The following RBFOX1 variants were observed in gnomAD, a reference collection of about 807,000 sequenced individuals.
RBFOX1 encodes RNA binding fox-1 homolog 1, also known as RNA binding protein fox-1 homolog 1.
A neutral mutation model predicts 57.7 loss-of-function variants in RBFOX1; 8 were observed. That is an observed-to-expected ratio of 0.14 (90% CI 0.08 to 0.25). The LOEUF is 0.25. Ranked by LOEUF, RBFOX1 falls within the 10% of genes least tolerant of loss-of-function variation. The pLI, the probability that RBFOX1 is intolerant of heterozygous loss-of-function variation, is 1.00. For synonymous variants in RBFOX1, 326 were observed against 222.4 expected, an observed-to-expected ratio of 1.47 and a Z score of -4.15; for missense variants, 611 against 548.5, an observed-to-expected ratio of 1.11 and a Z score of -1.14.
intron 2 of RBFOX1, among the ~76,000 whole-genome samples, chr16:6,441,317 C>T (rs2094375823): frequency 6.6e-6 from 1 of 152,216 alleles, no homozygotes; most frequent in Non-Finnish European, 1.5e-5. Context: ...GAGCTCTCTC[C>T]TGTGTACATA....
chr16:5,892,036 C>G (rs2058056516), intron 4 of RBFOX1, among the ~76,000 whole-genome samples: 1 of 152,196 alleles, frequency 6.6e-6, no homozygotes, highest in Non-Finnish European at 1.5e-5. Context: ...AATCATTTCA[C>G]AAATATTATT....
At chr16:7,054,213 C>CGGCGGGGGGGGGG (rs1345662627) in intron 4 of RBFOX1, among the ~76,000 whole-genome samples, 7 of 17,830 alleles carry the variant, frequency 3.9e-4, no homozygotes, top group African/African-American at 3.2e-3. Flanking sequence ...TTTTTTTTTT[C>CGGCGGGGGGGGGG]GGGGGGGGGG....
At chr16:6,678,152 C>G (rs527489352) in intron 3 of RBFOX1, among the ~76,000 whole-genome samples, 11 of 152,310 alleles carry the variant, frequency 7.2e-5, no homozygotes, top group South Asian at 6.2e-4. Context: ...GAGACGGAGT[C>G]TCGCTCTGTC....
intron 2 of RBFOX1, among the ~76,000 whole-genome samples, chr16:6,644,439 C>T (rs757743337): frequency 6.6e-6 from 1 of 152,192 alleles, no homozygotes; most frequent in Non-Finnish European, 1.5e-5. Context: ...AACCTTCTTC[C>T]TCAGCAGTAA....
chr16:6,037,599 AT>A (rs1206845742), intron 1 of RBFOX1: 2 of 124,732 alleles, frequency 1.6e-5, no homozygotes, highest in East Asian at 2.3e-4. Flanking sequence ...GTTTTGTTTT[AT>A]TTTTTGTTTT....
At chr16:7,214,094 C>A (rs1398252797) in intron 4 of RBFOX1, among the ~76,000 whole-genome samples, 5 of 147,234 alleles carry the variant, frequency 3.4e-5, no homozygotes, top group South Asian at 4.2e-4. Flanking sequence ...AAAAATTTTT[C>A]CACTTCTTTC....
chr16:5,925,123 T>G (rs932234621), intron 4 of RBFOX1, among the ~76,000 whole-genome samples: 1 of 152,162 alleles, frequency 6.6e-6, no homozygotes, highest in Non-Finnish European at 1.5e-5. Context: ...TTATTGATCC[T>G]CAGATCCCGA....
chr16:7,585,801 C>T (rs1453358558), intron 6 of RBFOX1, among the ~76,000 whole-genome samples: 2 of 152,112 alleles, frequency 1.3e-5, no homozygotes, highest in African/African-American at 4.8e-5. Context: ...GTTAGTAGGA[C>T]CCTCTTGACA....
chr16:6,643,473 G>T (rs9936402), intron 2 of RBFOX1, among the ~76,000 whole-genome samples: 3,924 of 152,182 alleles, frequency 0.026, 179 homozygotes, highest in African/African-American at 0.09. Context: ...AGTGAACACA[G>T]ACTCTGAAGA....
chr16:5,502,467 C>G (rs543393735), intron 2 of RBFOX1, among the ~76,000 whole-genome samples: 1 of 152,152 alleles, frequency 6.6e-6, no homozygotes, highest in Non-Finnish European at 1.5e-5. Context: ...GCTCCGGCCC[C>G]TAGTGTCCCT....
chr16:7,197,559 C>T (rs1258734863), intron 4 of RBFOX1, among the ~76,000 whole-genome samples: 1 of 151,406 alleles, frequency 6.6e-6, no homozygotes, highest in African/African-American at 2.4e-5. Flanking sequence ...CATTACCAAG[C>T]AATTCCACTT....
chr16:7,637,879 T>A (rs1010274803), intron 11 of RBFOX1, among the ~76,000 whole-genome samples: 6 of 152,248 alleles, frequency 3.9e-5, no homozygotes, highest in African/African-American at 9.6e-5. Context: ...GCAATATTTT[T>A]AAAAATCTAA....
chr16:7,564,540 CAAA>C (rs5815409), intron 5 of RBFOX1, among the ~76,000 whole-genome samples: 4 of 82,516 alleles, frequency 4.8e-5, no homozygotes, highest in African/African-American at 9.6e-5. Context: ...GACTCCATCT[CAAA>C]AAAAAAAAAA....
At chr16:7,244,186 T>C (rs761466336) in intron 4 of RBFOX1, among the ~76,000 whole-genome samples, 3 of 146,568 alleles carry the variant, frequency 2.0e-5, no homozygotes, top group Non-Finnish European at 4.5e-5. Context: ...AATAAACATT[T>C]ATAATAATAT....
At chr16:6,463,792 A>G (rs2094975741) in intron 2 of RBFOX1, among the ~76,000 whole-genome samples, 2 of 152,202 alleles carry the variant, frequency 1.3e-5, no homozygotes, top group South Asian at 2.1e-4. Flanking sequence ...AGCAAAGCAC[A>G]CTGAATCACG....
chr16:7,361,955 G>A (rs948182023), intron 4 of RBFOX1, among the ~76,000 whole-genome samples: 1 of 151,920 alleles, frequency 6.6e-6, no homozygotes, highest in South Asian at 2.1e-4. Flanking sequence ...CATGTTTTGT[G>A]TGTATGTTTG....
chr16:6,955,387 C>T (rs903632673), intron 3 of RBFOX1, among the ~76,000 whole-genome samples: 3 of 151,842 alleles, frequency 2.0e-5, no homozygotes, highest in Admixed American at 2.0e-4. Context: ...CACATACACA[C>T]ACTCAAAACC....
At chr16:7,623,431 G>C (rs1655106856) in intron 10 of RBFOX1, among the ~76,000 whole-genome samples, 1 of 152,170 alleles carries the variant, frequency 6.6e-6, no homozygotes, top group Admixed American at 6.5e-5. Context: ...AGCGATGGGA[G>C]GCAGTGACGG....
At chr16:7,628,550 C>G (rs2060437631) in intron 10 of RBFOX1, among the ~76,000 whole-genome samples, 1 of 152,092 alleles carries the variant, frequency 6.6e-6, no homozygotes, top group African/African-American at 2.4e-5. Flanking sequence ...CCCCAGTGAC[C>G]TGCTAAAACT....
Sources: gnomAD v4.1 joint callset for allele counts (sites outside exome capture counted in the v4.1 genomes callset) on GRCh38, gnomAD v4.1.1 for gene constraint, MANE v1.5 for transcripts, NCBI Gene and HGNC (gene_info 2026-07-23, HGNC 2026-07-21) for gene names.